The following HMGN5 variants were observed in gnomAD, a reference collection of about 807,000 sequenced individuals.
HMGN5 encodes high mobility group nucleosome-binding domain-containing protein 5.
HMGN5 carries 4 observed loss-of-function variants against 9.5 expected under a neutral mutation model. The ratio of observed to expected loss-of-function variants is 0.42; its 90% CI spans 0.21 to 0.96. HMGN5 has a LOEUF of 0.96. Ranked by LOEUF, HMGN5 falls within the 40% of genes least tolerant of loss-of-function variation. The pLI is 0.30. For missense variants in HMGN5, 192 were observed against 187.5 expected, an observed-to-expected ratio of 1.02 and a Z score of -0.14; for synonymous variants, 55 against 57.1, an observed-to-expected ratio of 0.96 and a Z score of 0.16.
intron 1 of HMGN5, 56 bp from the exon 2 acceptor site, chrX:81,121,728 C>G (rs1003777728): frequency 2.2e-5 from 8 of 365,302 alleles, no homozygotes; most frequent in Non-Finnish European, 3.9e-5. Flanking sequence ...CAAGACGCAA[C>G]CAAACTACGT....
intron 1 of HMGN5, among the ~76,000 whole-genome samples, chrX:81,152,950 A>T (rs1368263684): frequency 2.2e-5 from 2 of 91,709 alleles, no homozygotes; most frequent in Non-Finnish European, 4.2e-5. Flanking sequence ...AACAATGAGA[A>T]CACTTGGACA....
At chrX:81,161,596 A>G (rs1317602526) in intron 1 of HMGN5, among the ~76,000 whole-genome samples, 1 of 110,940 alleles carries the variant, frequency 9.0e-6, no homozygotes, top group Non-Finnish European at 1.9e-5. Context: ...TGTGTGGACC[A>G]GGAAGCAGAG....
chrX:81,175,658 C>A (rs1332214365), intron 1 of HMGN5, among the ~76,000 whole-genome samples: 1 of 110,807 alleles, frequency 9.0e-6, no homozygotes, highest in African/African-American at 3.3e-5. Flanking sequence ...CAGTCAATCG[C>A]CTTAGCTCCC....
intron 1 of HMGN5, among the ~76,000 whole-genome samples, chrX:81,149,302 A>G (rs142332195): frequency 8.9e-6 from 1 of 111,841 alleles, no homozygotes; most frequent in African/African-American, 3.3e-5. Context: ...GCAGCCATAA[A>G]AAAGGATGAG....
At chrX:81,152,059 A>T (rs1220522619) in intron 1 of HMGN5, among the ~76,000 whole-genome samples, 1 of 111,977 alleles carries the variant, frequency 8.9e-6, no homozygotes, top group Admixed American at 9.5e-5. Context: ...AAACCTAGGC[A>T]TTACCATTCA....
intron 1 of HMGN5, among the ~76,000 whole-genome samples, chrX:81,168,556 C>T (rs760771233): frequency 2.7e-5 from 3 of 111,295 alleles, no homozygotes; most frequent in African/African-American, 9.8e-5. Flanking sequence ...GATGAAATAC[C>T]GCTGTGAGTC....
rs192043283 is a variant in HMGN5, at chrX:81,188,981, T to C, written c.-124+12756A>G. ...CCAGTTTACTTTGTATTTCAGATGA[T>C]TTCTCATGGCTTATTAATGTTCTTT... On this transcript the variant is annotated intron_variant, in intron 1 of 6. Coordinates refer to ENST00000358130, the MANE Select transcript of HMGN5 (RefSeq NM_030763.3). Among the ~76,000 whole-genome samples the C allele has an allele frequency of 3.5e-3, 387 of 111,998 alleles. 2 individuals are homozygous for C. The highest frequency in any genetic ancestry group is 0.012 in the African/African-American group (359 of 30,848).
chrX:81,200,295 A>C (rs1010574957), intron 1 of HMGN5, among the ~76,000 whole-genome samples: 4 of 112,226 alleles, frequency 3.6e-5, no homozygotes, highest in African/African-American at 1.3e-4. Flanking sequence ...TGTGGAAGAC[A>C]GTGTGGCGAT....
chrX:81,154,364 A>C (rs999833102), intron 1 of HMGN5, among the ~76,000 whole-genome samples: 5 of 111,449 alleles, frequency 4.5e-5, no homozygotes, highest in African/African-American at 1.3e-4. Context: ...AAATCAAATC[A>C]AAATGGATTA....
chrX:81,200,775 G>C (rs1289256610), intron 1 of HMGN5, among the ~76,000 whole-genome samples: 2 of 110,904 alleles, frequency 1.8e-5, no homozygotes, highest in Admixed American at 9.5e-5. Context: ...GTTGATGGGT[G>C]CAGCAAACCA....
chrX:81,155,912 G>A (rs183305927), intron 1 of HMGN5, among the ~76,000 whole-genome samples: 20 of 111,485 alleles, frequency 1.8e-4, no homozygotes, highest in Non-Finnish European at 3.2e-4. Flanking sequence ...AAACAAATGA[G>A]TGCATAAAAA....
intron 1 of HMGN5, among the ~76,000 whole-genome samples, chrX:81,125,548 A>C (rs1385866110): frequency 3.6e-5 from 4 of 111,891 alleles, no homozygotes; most frequent in African/African-American, 1.3e-4. Flanking sequence ...CAGCAGGCCA[A>C]AGACTAATAA....
chrX:81,192,934 G>GTCTTTA lies in HMGN5; in HGVS notation c.-124+8797_-124+8802dup, dbSNP rs2075498042. On this transcript the variant is annotated intron_variant, in intron 1 of 6. Transcript: ENST00000358130. ...TTTTTAATTTTTGTGTGCTTTTCTA[G>GTCTTTA]TCTTTAGTTTTCAGTCACATCTATT... Among the ~76,000 whole-genome samples, 3 of 110,314 alleles carry GTCTTTA rather than the reference G, an allele frequency of 2.7e-5. No homozygotes were observed. In the Admixed American group the frequency reaches 2.9e-4, roughly 11 times the overall value.
intron 1 of HMGN5, among the ~76,000 whole-genome samples, chrX:81,198,686 G>A (rs2075516149): frequency 9.0e-6 from 1 of 111,682 alleles, no homozygotes; most frequent in African/African-American, 3.3e-5. Context: ...AGCCCTTCAT[G>A]CTAAAAACTC....
At position 81,113,810 on chromosome X, in the gene HMGN5, G is replaced by C. The variant is rs2075243813; in HGVS notation, c.*839C>G. ...TGGGGGATAAGTTGGGCGAAAATGG[G>C]AAGAGACTGCTAATTGGTGCTTTGT... is the stretch of plus-strand genomic sequence containing the variant. On this transcript the variant is annotated 3_prime_UTR_variant, in exon 7 of 7. Coordinates refer to ENST00000358130, the MANE Select transcript of HMGN5 (RefSeq NM_030763.3). 1 of 112,101 alleles carries C rather than the reference G, an allele frequency of 8.9e-6. No individual in the cohort carries two copies. 9.2% of individuals were successfully genotyped at this position (112,101 alleles called of 1,213,427 possible). A position where few individuals can be genotyped will look rare whatever the true frequency, so the allele number is the denominator to read the frequency against.
chrX:81,196,545 G>GT (rs1791223614), intron 1 of HMGN5, among the ~76,000 whole-genome samples: 1 of 106,014 alleles, frequency 9.4e-6, no homozygotes, highest in Admixed American at 1.0e-4. Flanking sequence ...TTGTTTGTTT[G>GT]TTTTTTGTTT....
chrX:81,142,398 G>T (rs1162242904), intron 1 of HMGN5, among the ~76,000 whole-genome samples: 1 of 111,669 alleles, frequency 9.0e-6, no homozygotes. Context: ...ACTCAAAGAA[G>T]ACTACCTCAG....
rs763024198 is a variant in HMGN5, at chrX:81,196,070, T to A, written c.-124+5667A>T. Among the ~76,000 whole-genome samples, 20 of 111,479 alleles carry A rather than the reference T, an allele frequency of 1.8e-4. No individual in the cohort carries two copies. In the South Asian group the frequency reaches 6.1e-3, roughly 34 times the overall value. On this transcript the variant is annotated intron_variant, in intron 1 of 6. Transcript: ENST00000358130. ...ATAAGAATTCTTAAGCATAACACTCTGTTACTTAACCTACCCTATCTCCTC... is the reference window on the plus strand; with the variant it reads ...ATAAGAATTCTTAAGCATAACACTCAGTTACTTAACCTACCCTATCTCCTC...
Position 81,118,487 on chromosome X carries a change from T to C in HMGN5, c.76-2A>G, listed in dbSNP as rs762505720. 8 of 1,167,749 alleles carry C rather than the reference T, an allele frequency of 6.9e-6. No homozygotes were observed. The Admixed American group carries it at 1.2e-4, about 18-fold the overall frequency. The stretch of plus-strand genomic sequence containing the variant: ...CTCTGGTGTAACTGGCACAAGCATC[T>C]GCTTCAAGTTGTGGGAAAAGAAAAG... On this transcript the variant is annotated splice_acceptor_variant, in intron 4 of 6. Transcript: ENST00000358130. LOFTEE classifies it high-confidence loss of function.
Sources: allele counts gnomAD v4.1 joint callset (sites outside exome capture counted in the v4.1 genomes callset), GRCh38; gene constraint gnomAD v4.1.1; transcripts MANE v1.5; gene names NCBI Gene and HGNC (gene_info 2026-07-23, HGNC 2026-07-21).